HDLBP: variants seen among roughly 807,000 people sequenced by gnomAD.
The protein encoded by HDLBP is high density lipoprotein binding protein.
In HDLBP, 30 loss-of-function variants were observed where a neutral mutation model predicts 137.3. The ratio of observed to expected loss-of-function variants is 0.22; its 90% CI spans 0.16 to 0.30. The LOEUF is 0.30. HDLBP is among the 10% of genes least tolerant of loss of function. The pLI, the probability that HDLBP is intolerant of heterozygous loss-of-function variation, is 1.00. For missense variants in HDLBP, 1,119 were observed against 1,667.3 expected, an observed-to-expected ratio of 0.67 and a Z score of 5.73; for synonymous variants, 606 against 596.0, an observed-to-expected ratio of 1.02 and a Z score of -0.24.
chr2:241,293,921 C>CAAAA (rs56186900), intron 1 of HDLBP, among the ~76,000 whole-genome samples: 1 of 97,644 alleles, frequency 1.0e-5, no homozygotes, highest in Non-Finnish European at 2.0e-5. Flanking sequence ...GACCCTGCCT[C>CAAAA]AAAAAAAAAA....
intron 2 of HDLBP, among the ~76,000 whole-genome samples, chr2:241,267,380 T>C (rs1445637135): frequency 6.6e-6 from 1 of 152,022 alleles, no homozygotes; most frequent in African/African-American, 2.4e-5. Context: ...GAGGAGCTCA[T>C]CCTCCACTTG....
At chr2:241,257,494 G>C (rs192778098) in intron 5 of HDLBP, among the ~76,000 whole-genome samples, 9 of 152,298 alleles carry the variant, frequency 5.9e-5, no homozygotes, top group Non-Finnish European at 1.2e-4. Flanking sequence ...GCCTCCCAAA[G>C]TGCTGGGATT....
intron 1 of HDLBP, among the ~76,000 whole-genome samples, chr2:241,277,058 T>C: frequency 6.6e-6 from 1 of 151,562 alleles, no homozygotes. Flanking sequence ...ACCACTCAAT[T>C]AGAACTCAAC....
rs2071081995 is a variant in HDLBP at position 241,240,375 on chromosome 2, T to G, written c.2170-253A>C. The stretch of plus-strand genomic sequence containing the variant: ...GGATGAACACACAGGCTTAGAACCC[T>G]GGTCCTGCCACTTACAAGCACTGAC... On this transcript the variant is annotated intron_variant, in intron 17 of 27. Transcript: ENST00000310931. This position sits in a 1 kb window ranked among gnomAD's most constrained non-coding sequence, Gnocchi z 5.5. Among the ~76,000 whole-genome samples the G allele has an allele frequency of 6.6e-6, 1 of 152,236 alleles. No homozygotes were observed. Among genetic ancestry groups the G allele is most frequent in the Non-Finnish European group, 1.5e-5 (1 of 68,040 alleles).
chr2:241,289,924 G>A (rs1450910342), intron 1 of HDLBP, among the ~76,000 whole-genome samples: 1 of 151,908 alleles, frequency 6.6e-6, no homozygotes, highest in Non-Finnish European at 1.5e-5. Context: ...GACTTCAGAA[G>A]GGCAACAGCA....
intron 1 of HDLBP, among the ~76,000 whole-genome samples, chr2:241,292,065 G>T (rs921597048): frequency 6.6e-6 from 1 of 152,176 alleles, no homozygotes. Flanking sequence ...ACCCAGTAGA[G>T]AACTGGTTGA....
intron 1 of HDLBP, among the ~76,000 whole-genome samples, chr2:241,298,396 GATAA>G (rs532145760): frequency 1.8e-4 from 28 of 151,922 alleles, no homozygotes; most frequent in African/African-American, 6.5e-4. Context: ...AAAATAAATA[GATAA>G]ATAAATAAAG....
intron 9 of HDLBP, among the ~76,000 whole-genome samples, chr2:241,254,827 C>T (rs1056901544): frequency 6.6e-6 from 1 of 152,206 alleles, no homozygotes; most frequent in Non-Finnish European, 1.5e-5. Context: ...ATACAATCCT[C>T]TCTGGTTAAA....
intron 1 of HDLBP, among the ~76,000 whole-genome samples, chr2:241,304,109 C>T (rs1183482706): frequency 6.6e-6 from 1 of 152,232 alleles, no homozygotes; most frequent in African/African-American, 2.4e-5. Flanking sequence ...GTATGTATTA[C>T]AGGCATAAGC....
intron 1 of HDLBP, among the ~76,000 whole-genome samples, chr2:241,293,847 A>G (rs1208805528): frequency 1.3e-5 from 2 of 149,200 alleles, no homozygotes; most frequent in East Asian, 4.1e-4. Context: ...GCCTGAGCCC[A>G]GGAGGTTGAG....
intron 1 of HDLBP, among the ~76,000 whole-genome samples, chr2:241,310,227 G>T (rs1281548590): frequency 6.6e-6 from 1 of 152,142 alleles, no homozygotes; most frequent in African/African-American, 2.4e-5. Context: ...TCTTAGAAAT[G>T]AGAAAAACCT....
chr2:241,311,269 T>TA (rs769478646), intron 1 of HDLBP, among the ~76,000 whole-genome samples: 2 of 152,146 alleles, frequency 1.3e-5, no homozygotes, highest in African/African-American at 2.4e-5. Context: ...ACTGGAAACT[T>TA]AGAGACCGCG....
intron 1 of HDLBP, among the ~76,000 whole-genome samples, chr2:241,283,538 G>A (rs1181185164): frequency 1.3e-5 from 2 of 150,696 alleles, no homozygotes; most frequent in South Asian, 2.1e-4. Flanking sequence ...GCAGTGGCAT[G>A]ATCTCTGCTC....
At chr2:241,252,862 G>T in intron 11 of HDLBP, 95 bp downstream of exon 11, 1 of 804,492 alleles carries the variant, frequency 1.2e-6, no homozygotes, top group Non-Finnish European at 2.2e-6. Flanking sequence ...AATGGGCCTG[G>T]ACTGTCTGCA....
At chr2:241,300,745 C>T (rs1411272939) in intron 1 of HDLBP, among the ~76,000 whole-genome samples, 1 of 152,182 alleles carries the variant, frequency 6.6e-6, no homozygotes, top group Admixed American at 6.5e-5. Flanking sequence ...GACAGTAGGG[C>T]TGAACCCGGG....
At chr2:241,259,366 T>C (rs774846923) in intron 5 of HDLBP, among the ~76,000 whole-genome samples, 1 of 152,186 alleles carries the variant, frequency 6.6e-6, no homozygotes, top group Non-Finnish European at 1.5e-5. Flanking sequence ...CTTTATTATA[T>C]AACGTTGACT....
intron 12 of HDLBP, chr2:241,249,280 C>T (rs1229198331): frequency 6.4e-6 from 3 of 469,920 alleles, no homozygotes; most frequent in African/African-American, 2.0e-5. Flanking sequence ...AGTGCTGCTG[C>T]AGGCACTCAC....
At chr2:241,297,928 G>A (rs1199840511) in intron 1 of HDLBP, among the ~76,000 whole-genome samples, 1 of 150,532 alleles carries the variant, frequency 6.6e-6, no homozygotes, top group Non-Finnish European at 1.5e-5. Flanking sequence ...CACATCTGCA[G>A]TCCCAGCTAC....
rs2069553689 is a variant in HDLBP at position 241,230,036 on chromosome 2, C to T, written c.3592-75G>A. On this transcript the variant is annotated intron_variant, in intron 26 of 27. Transcript: ENST00000310931. This position sits in a 1 kb window ranked among gnomAD's most constrained non-coding sequence, Gnocchi z 5.0. ...CATCCCGCCCGCCTGCTCACCCCTGCACCTCGCCTGCCTCTGGAAACACAA... is the reference window on the plus strand; with the variant it reads ...CATCCCGCCCGCCTGCTCACCCCTGTACCTCGCCTGCCTCTGGAAACACAA... The T allele has an allele frequency of 6.3e-6, 10 of 1,578,980 alleles. No homozygotes were observed. The South Asian group carries it at 1.2e-4, about 18-fold the overall frequency.
Sources: allele counts gnomAD v4.1 joint callset (sites outside exome capture counted in the v4.1 genomes callset), GRCh38; gene constraint gnomAD v4.1.1; non-coding constraint Gnocchi (gnomAD v3.1); transcripts MANE v1.5; gene names NCBI Gene and HGNC (gene_info 2026-07-23, HGNC 2026-07-21).